CDYL: variants seen among roughly 807,000 people sequenced by gnomAD.
CDYL encodes chromodomain Y like.
In CDYL, 8 loss-of-function variants were observed where a neutral mutation model predicts 47.3. That is an observed-to-expected ratio of 0.17 (90% CI 0.10 to 0.31). The LOEUF is 0.31. Among genes scored for constraint, CDYL ranks in the 10% least tolerant of loss-of-function variants. The pLI, the probability that CDYL is intolerant of heterozygous loss-of-function variation, is 1.00. For synonymous variants in CDYL, 266 were observed against 265.0 expected, an observed-to-expected ratio of 1.00 and a Z score of -0.04; for missense variants, 471 against 701.4, an observed-to-expected ratio of 0.67 and a Z score of 3.71.
chr6:4,943,283 T>C (rs1362406937), intron 4 of CDYL, among the ~76,000 whole-genome samples: 1 of 152,182 alleles, frequency 6.6e-6, no homozygotes, highest in Non-Finnish European at 1.5e-5. Flanking sequence ...GTGCAGCTCA[T>C]GGCTGCATGT....
chr6:4,803,335 A>G (rs1427772595), intron 1 of CDYL, among the ~76,000 whole-genome samples: 1 of 152,048 alleles, frequency 6.6e-6, no homozygotes, highest in African/African-American at 2.4e-5. Context: ...GCTTTTGCCC[A>G]TTTATCATCC....
chr6:4,750,979 A>C (rs1467826552), intron 3 of CDYL, among the ~76,000 whole-genome samples: 2 of 150,850 alleles, frequency 1.3e-5, no homozygotes, highest in Non-Finnish European at 3.0e-5. Flanking sequence ...CAGCCTCCCG[A>C]GTAGCTGGGA....
chr6:4,948,207 C>T (rs987055421), intron 5 of CDYL, among the ~76,000 whole-genome samples: 5 of 152,214 alleles, frequency 3.3e-5, no homozygotes, highest in African/African-American at 4.8e-5. Flanking sequence ...GTTCTGACCC[C>T]TCCCACTGTA....
chr6:4,930,373 C>G (rs988259535), intron 2 of CDYL, among the ~76,000 whole-genome samples: 10 of 152,322 alleles, frequency 6.6e-5, no homozygotes, highest in Admixed American at 6.5e-5. Flanking sequence ...AAATTACAGC[C>G]TCCTGGGCCT....
intron 3 of CDYL, among the ~76,000 whole-genome samples, chr6:4,738,692 A>C (rs1414553112): frequency 6.6e-6 from 1 of 152,220 alleles, no homozygotes. Context: ...ACACTTGTAC[A>C]TGTGTGCAAA....
intron 1 of CDYL, among the ~76,000 whole-genome samples, chr6:4,881,437 A>C (rs1761760276): frequency 6.6e-6 from 1 of 152,138 alleles, no homozygotes; most frequent in Non-Finnish European, 1.5e-5. Context: ...TTGAAACATG[A>C]ATTACCAGGC....
intron 1 of CDYL, among the ~76,000 whole-genome samples, chr6:4,854,906 GATA>G (rs1390836281): frequency 1.3e-5 from 2 of 152,214 alleles, no homozygotes; most frequent in Non-Finnish European, 2.9e-5. Flanking sequence ...AGAGGCCCCT[GATA>G]ATTGTCAGCC....
chr6:4,810,792 C>G (rs1479648371), intron 1 of CDYL, among the ~76,000 whole-genome samples: 2 of 152,228 alleles, frequency 1.3e-5, no homozygotes, highest in African/African-American at 4.8e-5. Context: ...GGTCTCTTAT[C>G]AGGGCACCAA....
intron 2 of CDYL, among the ~76,000 whole-genome samples, chr6:4,725,821 G>A (rs1757502329): frequency 6.6e-6 from 1 of 152,258 alleles, no homozygotes; most frequent in Non-Finnish European, 1.5e-5. Flanking sequence ...GAGGCGCCGA[G>A]AGCGAGCGAG....
In CDYL at chr6:4,790,501, A is replaced by C. The variant is rs566275419; in HGVS notation, c.24+13694A>C. Among the ~76,000 whole-genome samples the C allele has an allele frequency of 6.6e-5, 10 of 152,294 alleles. No homozygotes were observed. The East Asian group carries it at 1.9e-3, about 29-fold the overall frequency. Reference sequence around the variant, plus strand: ...AGGAGAATTTCTGAAGCGCTTTTGGAAAGTAGGCGGACATTTGAGTTCCTC... The same window carrying C: ...AGGAGAATTTCTGAAGCGCTTTTGGCAAGTAGGCGGACATTTGAGTTCCTC... On this transcript the variant is annotated intron_variant, in intron 1 of 6. Coordinates refer to ENST00000397588, the MANE Select transcript of CDYL (RefSeq NM_004824.4).
intron 2 of CDYL, among the ~76,000 whole-genome samples, chr6:4,726,699 CAAA>C (rs535946910): frequency 1.6e-5 from 2 of 124,690 alleles, no homozygotes; most frequent in Admixed American, 8.3e-5. Context: ...AGACCTGTCT[CAAA>C]AAAAAAAAAA....
chr6:4,773,138 G>T (rs1389077205), upstream of CDYL: 5 of 457,402 alleles, frequency 1.1e-5, no homozygotes, highest in Middle Eastern at 3.2e-4. The surrounding 1 kb of genome is among the most constrained non-coding windows in gnomAD (Gnocchi z 4.6). Flanking sequence ...GAGGAGGAGA[G>T]AATTGAATTA....
chr6:4,935,611 A>G lies in CDYL; in HGVS notation c.788A>G (p.Asp263Gly), dbSNP rs778511112. 1.7e-5 allele frequency: 28 copies of G among 1,614,120 alleles called. No individual in the cohort carries two copies. The highest frequency in any genetic ancestry group is 2.2e-5 in the Non-Finnish European group (26 of 1,180,042). ...ACTGCCAGCAAAAGGAAATTTATTG[A>G]CGACAGAAGAGACCAGCCTTTTGAC... is the stretch of plus-strand genomic sequence containing the variant. ...GVTASKRKFIDDRRDQPFDKR... is the reference protein window; with the variant it reads ...GVTASKRKFIGDRRDQPFDKR... Residue 263 changes from aspartate to glycine, a missense_variant, in exon 3 of 7, where the codon GAC (aspartate) becomes GGC (glycine). By Grantham distance (94) the Asp-to-Gly change is moderately conservative (BLOSUM62 -1). Transcript: ENST00000397588.
chr6:4,814,443 T>C (rs915079041), intron 1 of CDYL, among the ~76,000 whole-genome samples: 3 of 152,222 alleles, frequency 2.0e-5, no homozygotes, highest in African/African-American at 4.8e-5. Context: ...ATTTAACTTA[T>C]AACAAGAGGA....
chr6:4,937,494 C>A lies in CDYL; in HGVS notation c.949-71C>A, dbSNP rs368376566. On this transcript the variant is annotated intron_variant, in intron 3 of 6. Transcript: ENST00000397588. ...CTGAGCAACAGAGTGAGACTCTCTC[C>A]AAAAAAAAAAATGCTTTAAGATTTT... 1.7e-5 allele frequency: 19 copies of A among 1,141,988 alleles called. No individual in the cohort carries two copies. In the African/African-American group the frequency reaches 2.0e-4, roughly 12 times the overall value. 70.7% of individuals were successfully genotyped at this position (1,141,988 alleles called of 1,614,324 possible).
At position 4,734,846 on chromosome 6, in the gene CDYL, T is replaced by C; in HGVS notation, c.186+2T>C. 6.2e-7 allele frequency: 1 copy of C among 1,613,976 alleles called. No individual in the cohort carries two copies. Among genetic ancestry groups the C allele is most frequent in the Non-Finnish European group, 8.5e-7 (1 of 1,179,976 alleles). On this transcript the variant is annotated splice_donor_variant, in intron 3 of 8. Coordinates refer to the CDYL transcript ENST00000328908. LOFTEE classifies it high-confidence loss of function. Reference sequence around the variant, plus strand: ...GCACAGCAGCCTCCCGCTTTACAGGTAGGTCTTGGTTTCTCCCAGTGGCAA... The same window carrying C: ...GCACAGCAGCCTCCCGCTTTACAGGCAGGTCTTGGTTTCTCCCAGTGGCAA...
intron 2 of CDYL, among the ~76,000 whole-genome samples, chr6:4,894,478 A>G (rs998281769): frequency 6.6e-6 from 1 of 152,206 alleles, no homozygotes; most frequent in Non-Finnish European, 1.5e-5. Flanking sequence ...ATCGGGAGGA[A>G]TATTTACTAA....
intron 2 of CDYL, 57 bp from the exon 3 acceptor site, chr6:4,935,458 T>G (rs922931124): frequency 6.9e-7 from 1 of 1,440,484 alleles, no homozygotes; most frequent in Non-Finnish European, 9.7e-7. Context: ...AGATGACACC[T>G]GGGAGTGAAC....
intron 2 of CDYL, among the ~76,000 whole-genome samples, chr6:4,909,021 A>G (rs974382401): frequency 6.6e-6 from 1 of 152,220 alleles, no homozygotes. Context: ...CAAAATATGC[A>G]TGAGCAAGTG....
Sources: allele counts gnomAD v4.1 joint callset (sites outside exome capture counted in the v4.1 genomes callset), GRCh38; gene constraint gnomAD v4.1.1; non-coding constraint Gnocchi (gnomAD v3.1); transcripts MANE v1.5; gene names NCBI Gene and HGNC (gene_info 2026-07-23, HGNC 2026-07-21).